The following LOXHD1 variants were observed in gnomAD, a reference collection of about 807,000 sequenced individuals.
LOXHD1 encodes lipoxygenase homology PLAT domains 1, also known as lipoxygenase homology domain-containing protein 1.
In LOXHD1, 205 loss-of-function variants were observed where a neutral mutation model predicts 248.2. The observed-to-expected ratio is 0.83, with a 90% CI of 0.74 to 0.93. The LOEUF (loss-of-function observed/expected upper bound fraction) is 0.93. Among genes scored for constraint, LOXHD1 ranks in the 40% least tolerant of loss-of-function variants. The probability of loss-of-function intolerance (pLI) is 0.00; values close to 1 mark genes in which losing one functional copy is unlikely to be tolerated. For missense variants in LOXHD1, 2,930 were observed against 2,971.6 expected, an observed-to-expected ratio of 0.99 and a Z score of 0.33; for synonymous variants, 1,113 against 1,162.8, an observed-to-expected ratio of 0.96 and a Z score of 0.87.
rs376461436 is a variant in LOXHD1, at chr18:46,559,596, G to C, written c.3068C>G (p.Thr1023Ser). The change falls in exon 20 of 41, where the codon ACC (threonine) becomes AGC (serine). Residue 1023 changes from threonine to serine, a missense_variant. Physicochemically the swap from Thr to Ser is moderately conservative, Grantham distance 58. Coordinates refer to ENST00000642948, the MANE Select transcript of LOXHD1 (RefSeq NM_001384474.1). ...PAGKPGPERN[T>S]YEVQVVTGNV... ...CCCCGTGACCACCTGAACCTCATAG[G>C]TGTTTCCTGTAGACACAGAAAGATG... is the stretch of plus-strand genomic sequence containing the variant. 6.4e-7 allele frequency: 1 copy of C among 1,551,658 alleles called. No individual in the cohort carries two copies. Among genetic ancestry groups the C allele is most frequent in the East Asian group, 2.4e-5 (1 of 40,930 alleles).
chr18:46,572,185 T>C (rs953691524), intron 14 of LOXHD1, 23 bp from the exon 15 acceptor site: 5 of 1,548,590 alleles, frequency 3.2e-6, no homozygotes, highest in African/African-American at 2.7e-5. Flanking sequence ...TGGGGGAATG[T>C]TAGCTCTTTG....
intron 27 of LOXHD1, 66 bp from the exon 28 acceptor site, chr18:46,533,390 C>G: frequency 6.6e-7 from 1 of 1,514,502 alleles, no homozygotes; most frequent in Non-Finnish European, 8.9e-7. Flanking sequence ...AGGGATTCAT[C>G]AGCTCAATAC....
At chr18:46,569,778 G>C in intron 15 of LOXHD1, 140 bp from the exon 16 acceptor site, 2 of 661,884 alleles carry the variant, frequency 3.0e-6, no homozygotes, top group Non-Finnish European at 2.5e-6. Context: ...CCAGGCTCCT[G>C]TTCTAAGCAG....
rs143431215 is a variant in LOXHD1 at position 46,537,216 on chromosome 18, T to C, written c.4095+940A>G. Among the ~76,000 whole-genome samples, 29 of 152,320 alleles carry C rather than the reference T, an allele frequency of 1.9e-4. No homozygotes were observed. The East Asian group carries it at 5.6e-3, about 29-fold the overall frequency. Reference sequence around the variant, plus strand: ...CCATTTGCTTGTCTACTGCAGTAGCTAACTAAGAGTGCATATTCCAGAGCC... The same window carrying C: ...CCATTTGCTTGTCTACTGCAGTAGCCAACTAAGAGTGCATATTCCAGAGCC... On this transcript the variant is annotated intron_variant, in intron 26 of 40. Transcript: ENST00000642948.
At chr18:46,560,052 T>TGCCCCCCCCCCCCCCC in intron 19 of LOXHD1, 31 bp downstream of exon 19, 2 of 441,130 alleles carry the variant, frequency 4.5e-6, no homozygotes, top group Non-Finnish European at 3.6e-6. Context: ...GGCCACTCCC[T>TGCCCCCCCCCCCCCCC]CCCCACCCCC....
chr18:46,577,897 G>C (rs1434343343), intron 13 of LOXHD1, 30 bp from the exon 14 acceptor site: 1 of 1,551,014 alleles, frequency 6.4e-7, no homozygotes, highest in African/African-American at 1.4e-5. Flanking sequence ...AGGCCAGTTA[G>C]ACAGTGGCTA....
intron 5 of LOXHD1, among the ~76,000 whole-genome samples, chr18:46,615,219 C>T (rs1293989739): frequency 6.6e-6 from 1 of 152,176 alleles, no homozygotes; most frequent in Admixed American, 6.5e-5. Context: ...CTATGGGACC[C>T]CAGCCCCAGG....
At chr18:46,570,260 G>A (rs1005269457) in intron 15 of LOXHD1, among the ~76,000 whole-genome samples, 4 of 152,190 alleles carry the variant, frequency 2.6e-5, no homozygotes, top group African/African-American at 4.8e-5. Flanking sequence ...TGCATTATCG[G>A]TCTTCAGGGA....
chr18:46,615,002 T>C (rs1008546312), intron 5 of LOXHD1, among the ~76,000 whole-genome samples: 3 of 152,214 alleles, frequency 2.0e-5, no homozygotes, highest in Non-Finnish European at 4.4e-5. Flanking sequence ...TGATTACAGA[T>C]CTCCTTGGAA....
At position 46,560,067 on chromosome 18, in the gene LOXHD1, C is replaced by A; in HGVS notation, c.3061+16G>T. 1 of 1,524,500 alleles carries A rather than the reference C, an allele frequency of 6.6e-7. No homozygotes were observed. Among genetic ancestry groups the A allele is most frequent in the Non-Finnish European group, 8.9e-7 (1 of 1,124,614 alleles). The allele number at this position is 1,524,500 out of a possible 1,614,324, so 94.4% of individuals were successfully genotyped here. ...GGCCACTCCCTCCCCACCCCCACCC[C>A]CCACGACCCACTTACGCTCAGGACC... On this transcript the variant is annotated intron_variant, in intron 19 of 40. Coordinates refer to ENST00000642948, the MANE Select transcript of LOXHD1 (RefSeq NM_001384474.1).
At chr18:46,561,704 C>T (rs1161109078) in intron 18 of LOXHD1, among the ~76,000 whole-genome samples, 2 of 151,614 alleles carry the variant, frequency 1.3e-5, no homozygotes, top group Non-Finnish European at 3.0e-5. Context: ...ACAATGCAGT[C>T]AACAAACCAC....
chr18:46,634,444 G>A (rs1025897061), intron 4 of LOXHD1, among the ~76,000 whole-genome samples: 2 of 152,178 alleles, frequency 1.3e-5, no homozygotes, highest in Admixed American at 6.5e-5. Flanking sequence ...TGCCATGAAT[G>A]GAAAATTATA....
At chr18:46,578,274 T>C (rs2037898101) in intron 13 of LOXHD1, among the ~76,000 whole-genome samples, 1 of 152,134 alleles carries the variant, frequency 6.6e-6, no homozygotes, top group Non-Finnish European at 1.5e-5. Context: ...AATTGTATAG[T>C]TTTGCTCACC....
intron 7 of LOXHD1, 26 bp from the exon 8 acceptor site, chr18:46,601,493 AGT>A: frequency 6.4e-7 from 1 of 1,551,688 alleles, no homozygotes; most frequent in Non-Finnish European, 8.7e-7. Context: ...CAGGAAAGAG[AGT>A]GTTCAATGTG....
At chr18:46,622,499 T>C (rs2144337439) in intron 4 of LOXHD1, among the ~76,000 whole-genome samples, 1 of 152,276 alleles carries the variant, frequency 6.6e-6, no homozygotes, top group Admixed American at 6.5e-5. Flanking sequence ...GGATATGTCT[T>C]GAACTCTCAG....
chr18:46,601,956 C>T (rs2038346794), intron 7 of LOXHD1, among the ~76,000 whole-genome samples: 1 of 152,126 alleles, frequency 6.6e-6, no homozygotes, highest in Admixed American at 6.5e-5. Context: ...TAATAGAGGA[C>T]ATTAATGTCC....
chr18:46,608,072 AGAAGGAAGGGAG>A (rs372997772), intron 6 of LOXHD1, among the ~76,000 whole-genome samples: 31 of 39,140 alleles, frequency 7.9e-4, no homozygotes, highest in East Asian at 5.1e-3. Context: ...AAGGAAGGAA[AGAAGGAAGGGAG>A]GAAGGAAGGG....
intron 6 of LOXHD1, among the ~76,000 whole-genome samples, chr18:46,607,278 T>C (rs1443888852): frequency 6.6e-6 from 1 of 151,302 alleles, no homozygotes; most frequent in East Asian, 1.9e-4. Context: ...AATATTGTAT[T>C]CATTATGACA....
chr18:46,656,100 T>C (rs2039177966), intron 1 of LOXHD1, among the ~76,000 whole-genome samples: 1 of 152,102 alleles, frequency 6.6e-6, no homozygotes, highest in Non-Finnish European at 1.5e-5. Flanking sequence ...GGAGTCAGCA[T>C]TGAGAATTTA....
Sources: allele counts gnomAD v4.1 joint callset (sites outside exome capture counted in the v4.1 genomes callset), GRCh38; gene constraint gnomAD v4.1.1; transcripts MANE v1.5; gene names NCBI Gene and HGNC (gene_info 2026-07-23, HGNC 2026-07-21).